Variants in RNF170 observed in about 807,000 individuals in gnomAD.
RNF170 encodes E3 ubiquitin-protein ligase RNF170.
In RNF170, 12 loss-of-function variants were observed where a neutral mutation model predicts 32.7. The ratio of observed to expected loss-of-function variants is 0.37; its 90% CI spans 0.24 to 0.60. RNF170 has a LOEUF of 0.60. Ranked by LOEUF, RNF170 falls within the 20% of genes least tolerant of loss-of-function variation. The pLI, the probability that RNF170 is intolerant of heterozygous loss-of-function variation, is 0.72. For missense variants in RNF170, 212 were observed against 311.2 expected (o/e 0.68, Z 2.40); for synonymous variants, 91 against 103.6 (o/e 0.88, Z 0.74).
intron 2 of RNF170, among the ~76,000 whole-genome samples, chr8:42,878,102 T>C (rs1805095966): frequency 1.3e-5 from 2 of 152,202 alleles, no homozygotes; most frequent in Non-Finnish European, 2.9e-5. Context: ...ACTGCTCTAT[T>C]GACCAGCCAT....
intron 1 of RNF170, among the ~76,000 whole-genome samples, chr8:42,890,241 A>T (rs1035724597): frequency 1.3e-5 from 2 of 149,604 alleles, no homozygotes; most frequent in South Asian, 4.2e-4. Flanking sequence ...TAAATATTTG[A>T]CTACTATGTG....
At chr8:42,891,748 T>A (rs1806321785) in intron 1 of RNF170, among the ~76,000 whole-genome samples, 1 of 152,168 alleles carries the variant, frequency 6.6e-6, no homozygotes, top group African/African-American at 2.4e-5. Context: ...TATTTTAGGT[T>A]AACAACTGTG....
At position 42,854,971 on chromosome 8, in the gene RNF170, T is replaced by TA; in HGVS notation, c.*1187dup. 1 of 1,287,272 alleles carries TA rather than the reference T, an allele frequency of 7.8e-7. No individual in the cohort carries two copies. Among genetic ancestry groups the TA allele is most frequent in the Non-Finnish European group, 1.0e-6 (1 of 988,704 alleles). The allele number at this position is 1,287,272 out of a possible 1,614,324, so 79.7% of individuals were successfully genotyped here. On this transcript the variant is annotated 3_prime_UTR_variant, in exon 7 of 7. Transcript: ENST00000527424. ...TAACAAAATTTGTCCAATCTGTTGC[T>TA]ATAGCTAACCAGTAATTTCTTTTGT...
At chr8:42,884,622 G>C (rs963167225) in intron 2 of RNF170, among the ~76,000 whole-genome samples, 1 of 151,892 alleles carries the variant, frequency 6.6e-6, no homozygotes, top group Non-Finnish European at 1.5e-5. Flanking sequence ...ATGCAGATTT[G>C]ACCTTTAGCT....
At chr8:42,896,433 G>C (rs1002836799) in intron 1 of RNF170, 51 bp downstream of exon 1, 1 of 452,216 alleles carries the variant, frequency 2.2e-6, no homozygotes, top group Non-Finnish European at 4.4e-6. Flanking sequence ...CGCCGTCCGC[G>C]GCTCCGCGGG....
rs145172679 is a variant in RNF170, at chr8:42,873,961, C to T, written c.183G>A (p.Arg61=). 51 of 1,603,378 alleles carry T rather than the reference C, an allele frequency of 3.2e-5. No homozygotes were observed. The highest frequency in any genetic ancestry group is 4.0e-5 in the Non-Finnish European group (47 of 1,170,582). The change falls in exon 3 of 7, where the codon AGG becomes AGA. Residue 61 remains arginine (R), a synonymous_variant. Transcript: ENST00000527424. ...CTGTTTGAAGCTGTTCTCGAAGTAC[C>T]CTTACTAGCTCCTGGTTTTCTGGGT... ...NIHPENQELV[R]VLREQLQTEQ... is the part of the protein sequence containing the mutation.
At chr8:42,890,448 TTTC>T (rs1388658080) in intron 1 of RNF170, among the ~76,000 whole-genome samples, 1 of 151,896 alleles carries the variant, frequency 6.6e-6, no homozygotes, top group East Asian at 1.9e-4. Context: ...CGGCTAATTT[TTTC>T]TGTTTTTAGT....
chr8:42,866,387 A>C (rs1804080732), intron 4 of RNF170, among the ~76,000 whole-genome samples: 1 of 151,894 alleles, frequency 6.6e-6, no homozygotes, highest in African/African-American at 2.4e-5. Context: ...AAAAATACAA[A>C]AAAATTAGCC....
At chr8:42,852,609 GT>G (rs1802969217), downstream of RNF170, among the ~76,000 whole-genome samples, 1 of 151,938 alleles carries the variant, frequency 6.6e-6, no homozygotes, top group African/African-American at 2.4e-5. Context: ...TAGAGACGGG[GT>G]TTCACTATGT....
At chr8:42,850,867 C>G, downstream of RNF170, 5 of 1,551,632 alleles carry the variant, frequency 3.2e-6, no homozygotes, top group Non-Finnish European at 4.4e-6. Flanking sequence ...AGGGAGCATT[C>G]GGTCATGGGG....
intron 2 of RNF170, among the ~76,000 whole-genome samples, chr8:42,875,170 A>T (rs948451828): frequency 9.3e-6 from 1 of 107,380 alleles, no homozygotes; most frequent in African/African-American, 4.6e-5. Flanking sequence ...AAACCGTCTT[A>T]AAAAAAAAAA....
intron 2 of RNF170, among the ~76,000 whole-genome samples, chr8:42,878,958 C>T (rs1383986401): frequency 6.6e-6 from 1 of 152,200 alleles, no homozygotes; most frequent in Non-Finnish European, 1.5e-5. Flanking sequence ...TCTATAAATG[C>T]AACAACAATG....
At chr8:42,850,509 T>G, downstream of RNF170, 1 of 434,490 alleles carries the variant, frequency 2.3e-6, no homozygotes, top group Non-Finnish European at 4.3e-6. Context: ...TTCCCTTGCT[T>G]TATTTATTAA....
intron 5 of RNF170, among the ~76,000 whole-genome samples, chr8:42,864,971 C>T (rs538518967): frequency 4.3e-4 from 65 of 149,594 alleles, no homozygotes; most frequent in Non-Finnish European, 5.0e-4. Context: ...AAAAAAAAAT[C>T]GTGGGCTGGG....
At position 42,874,017 on chromosome 8, in the gene RNF170, GA is replaced by G. The variant is rs774939620; in HGVS notation, c.138-12del. On this transcript the variant is annotated splice_polypyrimidine_tract_variant and intron_variant, in intron 2 of 6. Transcript: ENST00000527424. ...TTTTGATGTACATTTCTGTTGAATA[GA>G]ATATAATAAATTTTGAATAGAAAAT... The G allele has an allele frequency of 3.3e-6, 5 of 1,501,520 alleles. No homozygotes were observed. Among genetic ancestry groups the G allele is most frequent in the Non-Finnish European group, 4.6e-6 (5 of 1,078,586 alleles). The allele number at this position is 1,501,520 out of a possible 1,614,324, so 93.0% of individuals were successfully genotyped here. A position where few individuals can be genotyped will look rare whatever the true frequency, so the allele number is the denominator to read the frequency against.
downstream of RNF170, chr8:42,850,673 G>A (rs140267957): frequency 3.1e-4 from 349 of 1,122,574 alleles, 3 homozygotes; most frequent in East Asian, 8.4e-3. Flanking sequence ...ATGATGCTGT[G>A]CTGAGATGTC....
intron 1 of RNF170, among the ~76,000 whole-genome samples, chr8:42,891,154 G>A (rs75918517): frequency 0.01 from 1,559 of 152,270 alleles, 10 homozygotes; most frequent in East Asian, 0.028. Flanking sequence ...TGGACATGAG[G>A]AGCCCTGAAT....
chr8:42,886,593 T>C (rs972071446), intron 2 of RNF170, among the ~76,000 whole-genome samples: 1 of 152,254 alleles, frequency 6.6e-6, no homozygotes, highest in East Asian at 1.9e-4. Flanking sequence ...GCCCAGCTAA[T>C]TTTTGTATTT....
At chr8:42,888,061 A>C (rs1651655426) in intron 1 of RNF170, among the ~76,000 whole-genome samples, 190 bp from the exon 2 acceptor site, 1 of 152,136 alleles carries the variant, frequency 6.6e-6, no homozygotes, top group African/African-American at 2.4e-5. Flanking sequence ...GTGGAGAACA[A>C]AATTCTATTT....
Sources: gnomAD v4.1 joint callset for allele counts (sites outside exome capture counted in the v4.1 genomes callset) on GRCh38, gnomAD v4.1.1 for gene constraint, MANE v1.5 for transcripts, NCBI Gene and HGNC (gene_info 2026-07-23, HGNC 2026-07-21) for gene names.